Variants in TBC1D16 observed in about 807,000 individuals in gnomAD.
TBC1D16 encodes the protein TBC1 domain family member 16.
Under a neutral mutation model 74.7 loss-of-function variants are expected in TBC1D16, and 58 were observed. The ratio of observed to expected loss-of-function variants is 0.78; its 90% confidence interval spans 0.63 to 0.97. The LOEUF (loss-of-function observed/expected upper bound fraction) is 0.97. TBC1D16 is among the 50% of genes least tolerant of loss of function. The pLI is 0.00. For missense variants in TBC1D16, 1,014 were observed against 1,079.5 expected, an observed-to-expected ratio of 0.94 and a Z score of 0.85; for synonymous variants, 493 against 474.7, an observed-to-expected ratio of 1.04 and a Z score of -0.50.
At position 79,993,392 on chromosome 17, in the gene TBC1D16, G is replaced by A. The variant is rs545926207; in HGVS notation, c.779+16768C>T. 2.6e-5 allele frequency among the ~76,000 whole-genome samples: 4 copies of A among 152,202 alleles called. No homozygotes were observed. Among genetic ancestry groups the A allele is most frequent in the Non-Finnish European group, 4.4e-5 (3 of 68,044 alleles). ...CAGGTCCCCAAAGCAGATTCCCTGAGGCCAGGAGGCACTTAGGTGGACGGG... is the reference window on the plus strand; with the variant it reads ...CAGGTCCCCAAAGCAGATTCCCTGAAGCCAGGAGGCACTTAGGTGGACGGG... On this transcript the variant is annotated intron_variant, in intron 3 of 11. Transcript: ENST00000310924. The surrounding 1 kb of genome is among the most constrained non-coding windows in gnomAD (Gnocchi z 5.1).
intron 3 of TBC1D16, among the ~76,000 whole-genome samples, chr17:79,955,832 A>G (rs550021838): frequency 6.6e-6 from 1 of 152,326 alleles, no homozygotes; most frequent in African/African-American, 2.4e-5. Context: ...TCCCTCCACC[A>G]CAGTAAACTA....
chr17:79,941,052 T>C lies in TBC1D16; in HGVS notation c.2111A>G (p.His704Arg), dbSNP rs1314913632. The C allele has an allele frequency of 1.2e-6, 2 of 1,600,232 alleles. No homozygotes were observed. The highest frequency in any genetic ancestry group is 1.7e-6 in the Non-Finnish European group (2 of 1,173,654). The change falls in exon 12 of 12, where the codon CAC becomes CGC. Residue 704 changes from histidine to arginine, a missense_variant. By Grantham distance (29) the His-to-Arg change is conservative. Transcript: ENST00000310924. The surrounding 1 kb of genome is among the most constrained non-coding windows in gnomAD (Gnocchi z 4.3). ...RLLPRIPCSL[H>R]DLCKLCGSGM... The stretch of plus-strand genomic sequence containing the variant: ...TGACCCGCACAGCTTACACAGATCG[T>C]GCAGGCTGCAGGGGATCCGGGGCAG...
At chr17:80,016,540 T>C (rs2036096813) in intron 1 of TBC1D16, among the ~76,000 whole-genome samples, 1 of 145,204 alleles carries the variant, frequency 6.9e-6, no homozygotes, top group Non-Finnish European at 1.5e-5. Context: ...GATCCAGAGC[T>C]GGTTGAGGGT....
chr17:80,010,027 CCACAGCCGCGGG>C lies in TBC1D16; in HGVS notation c.779+121_779+132del, dbSNP rs1286895222. 25 of 776,640 alleles carry C rather than the reference CCACAGCCGCGGG, an allele frequency of 3.2e-5. No homozygotes were observed. The East Asian group carries it at 6.5e-4, about 20-fold the overall frequency. 48.1% of individuals were successfully genotyped at this position (776,640 alleles called of 1,614,324 possible). The stretch of plus-strand genomic sequence containing the variant: ...GGAGGGGCTCCTGCCACAGCCACGG[CCACAGCCGCGGG>C]CAGGTCGGGCAGATGCCTCCAGCGC... On this transcript the variant is annotated intron_variant, in intron 3 of 11. Transcript: ENST00000310924. The surrounding 1 kb of genome is among the most constrained non-coding windows in gnomAD (Gnocchi z 8.8).
chr17:79,944,204 G>A lies in TBC1D16; in HGVS notation c.1908+704C>T. 6.7e-7 allele frequency: 1 copy of A among 1,481,770 alleles called. No individual in the cohort carries two copies. Among genetic ancestry groups the A allele is most frequent in the South Asian group, 1.2e-5 (1 of 82,836 alleles). The allele number at this position is 1,481,770 out of a possible 1,614,324, so 91.8% of individuals were successfully genotyped here. A position where few individuals can be genotyped will look rare whatever the true frequency, so the allele number is the denominator to read the frequency against. ...CAGGGTTCTCTGACGGAGGCTGCTG[G>A]AGCTGCCGTGGTGGATAGAGCCAGC... On this transcript the variant is annotated intron_variant, in intron 10 of 11. Transcript: ENST00000310924. The surrounding 1 kb of genome is among the most constrained non-coding windows in gnomAD (Gnocchi z 7.7).
At position 79,951,563 on chromosome 17, in the gene TBC1D16, C is replaced by T; in HGVS notation, c.976G>A (p.Ala326Thr). 6.2e-7 allele frequency: 1 copy of T among 1,613,930 alleles called. No individual in the cohort carries two copies. Among genetic ancestry groups the T allele is most frequent in the Non-Finnish European group, 8.5e-7 (1 of 1,179,958 alleles). Residue 326 changes from alanine to threonine, a missense_variant, in exon 5 of 12, where the codon GCC (alanine) becomes ACC (threonine). By Grantham distance (58) the Ala-to-Thr change is moderately conservative. Transcript: ENST00000310924. ...EACTSGQLVVASRESQYKVFH... is the reference protein window; with the variant it reads ...EACTSGQLVVTSRESQYKVFH... Reference sequence around the variant, plus strand: ...ACCTTGTACTGGCTCTCTCGGCTGGCAACGACCAGCTGGCCGCTGGTGCAG... The same window carrying T: ...ACCTTGTACTGGCTCTCTCGGCTGGTAACGACCAGCTGGCCGCTGGTGCAG...
At chr17:80,031,320 C>A (rs1235144981) in intron 1 of TBC1D16, among the ~76,000 whole-genome samples, 1 of 152,212 alleles carries the variant, frequency 6.6e-6, no homozygotes. Context: ...ACACAGAAGC[C>A]ACATTCAGGA....
chr17:79,955,697 C>T (rs144037271), intron 3 of TBC1D16, among the ~76,000 whole-genome samples: 53 of 152,250 alleles, frequency 3.5e-4, no homozygotes, highest in African/African-American at 1.2e-3. Context: ...AACTAGAAGA[C>T]GCTAAACTTT....
chr17:79,963,010 A>C (rs892590587), intron 3 of TBC1D16, among the ~76,000 whole-genome samples: 1 of 150,212 alleles, frequency 6.7e-6, no homozygotes, highest in African/African-American at 2.5e-5. Flanking sequence ...AGATCGCGCC[A>C]TTGCACTCCA....
chr17:79,941,847 C>T lies in TBC1D16; in HGVS notation c.2055+213G>A, dbSNP rs1311310436. Reference sequence around the variant, plus strand: ...GGCACCCCAGGAAAGTGAGGTGACACAGCCAGGCCGAGACAGGTGCTGACC... The same window carrying T: ...GGCACCCCAGGAAAGTGAGGTGACATAGCCAGGCCGAGACAGGTGCTGACC... On this transcript the variant is annotated intron_variant, in intron 11 of 11. Transcript: ENST00000310924. This position sits in a 1 kb window ranked among gnomAD's most constrained non-coding sequence, Gnocchi z 4.3. Among the ~76,000 whole-genome samples the T allele has an allele frequency of 6.6e-6, 1 of 151,526 alleles. No homozygotes were observed. Among genetic ancestry groups the T allele is most frequent in the Non-Finnish European group, 1.5e-5 (1 of 67,992 alleles).
chr17:80,024,406 A>G, intron 1 of TBC1D16, among the ~76,000 whole-genome samples: 1 of 149,474 alleles, frequency 6.7e-6, no homozygotes, highest in Non-Finnish European at 1.5e-5. Context: ...CACACATACC[A>G]CACACACCAT....
Position 79,988,517 on chromosome 17 carries a change from G to C in TBC1D16, c.779+21643C>G, listed in dbSNP as rs964014473. Among the ~76,000 whole-genome samples, 1 of 152,234 alleles carries C rather than the reference G, an allele frequency of 6.6e-6. No homozygotes were observed. Among genetic ancestry groups the C allele is most frequent in the Non-Finnish European group, 1.5e-5 (1 of 68,040 alleles). ...ATAAGACCATGGCTGAAAGTCAAACGCGCCCAGAGTCCACAGTCGACCACC... is the reference window on the plus strand; with the variant it reads ...ATAAGACCATGGCTGAAAGTCAAACCCGCCCAGAGTCCACAGTCGACCACC... On this transcript the variant is annotated intron_variant, in intron 3 of 11. Coordinates refer to ENST00000310924, the MANE Select transcript of TBC1D16 (RefSeq NM_019020.4). The surrounding 1 kb of genome is among the most constrained non-coding windows in gnomAD (Gnocchi z 5.7).
At chr17:79,976,730 C>T (rs1169272637) in intron 3 of TBC1D16, among the ~76,000 whole-genome samples, 1 of 152,170 alleles carries the variant, frequency 6.6e-6, no homozygotes, top group Non-Finnish European at 1.5e-5. Flanking sequence ...GGTTTAAGTC[C>T]CCCGAGGCAG....
In TBC1D16 at chr17:79,979,512, ACGTCCCTGTGTCAT is replaced by A. The variant is rs2034487091; in HGVS notation, c.780-26708_780-26695del. 6.6e-6 allele frequency among the ~76,000 whole-genome samples: 1 copy of A among 152,154 alleles called. No individual in the cohort carries two copies. The highest frequency in any genetic ancestry group is 1.5e-5 in the Non-Finnish European group (1 of 68,028). ...GCTGCAAATGCATCTGGGCGTGAAG[ACGTCCCTGTGTCAT>A]CTCTGCAGGACCAAACAGTCAATTA... On this transcript the variant is annotated intron_variant, in intron 3 of 11. Transcript: ENST00000310924. The surrounding 1 kb of genome is among the most constrained non-coding windows in gnomAD (Gnocchi z 4.8).
rs149817320 is a variant in TBC1D16, at chr17:79,998,984, G to A, written c.779+11176C>T. Among the ~76,000 whole-genome samples the A allele has an allele frequency of 6.4e-3, 969 of 152,266 alleles. 5 individuals carry two copies. Among genetic ancestry groups the A allele is most frequent in the African/African-American group, 0.022 (935 of 41,556 alleles). On this transcript the variant is annotated intron_variant, in intron 3 of 11. Coordinates refer to ENST00000310924, the MANE Select transcript of TBC1D16 (RefSeq NM_019020.4). Reference sequence around the variant, plus strand: ...ATAAAACGTGAATGGGGCTGGGCGCGGTGGCTCACGCCTGTAACCCCAGCA... The same window carrying A: ...ATAAAACGTGAATGGGGCTGGGCGCAGTGGCTCACGCCTGTAACCCCAGCA...
In TBC1D16 at chr17:80,010,529, T is replaced by C. The variant is rs144355397; in HGVS notation, c.410A>G (p.Lys137Arg). ...GGCCACCACCAGGATGTCCTCATCT[T>C]TGGGGGTCAGGGTAGGCCGCAGCTC... The part of the protein sequence containing the change: ...PTELRPTLTP[K>R]DEDILVVAQS... The change falls in exon 3 of 12, where the codon AAA (lysine) becomes AGA (arginine). Residue 137 changes from lysine (K) to arginine (R), a missense_variant. Coordinates refer to ENST00000310924, the MANE Select transcript of TBC1D16 (RefSeq NM_019020.4). The surrounding 1 kb of genome is among the most constrained non-coding windows in gnomAD (Gnocchi z 8.8). The C allele has an allele frequency of 2.8e-5, 45 of 1,610,878 alleles. No homozygotes were observed. The highest frequency in any genetic ancestry group is 3.7e-5 in the Non-Finnish European group (44 of 1,178,936).
intron 1 of TBC1D16, among the ~76,000 whole-genome samples, chr17:80,033,565 G>T (rs143742017): frequency 6.6e-6 from 1 of 152,206 alleles, no homozygotes; most frequent in Non-Finnish European, 1.5e-5. Flanking sequence ...TAGCGATAGG[G>T]TCTCTCTAGG....
rs1297373224 is a variant in TBC1D16, at chr17:79,944,104, C to G, written c.1908+804G>C. 6.5e-7 allele frequency: 1 copy of G among 1,535,992 alleles called. No individual in the cohort carries two copies. Among genetic ancestry groups the G allele is most frequent in the Non-Finnish European group, 8.7e-7 (1 of 1,146,860 alleles). On this transcript the variant is annotated intron_variant, in intron 10 of 11. Transcript: ENST00000310924. The surrounding 1 kb of genome is among the most constrained non-coding windows in gnomAD (Gnocchi z 7.7). ...CAGACTCGCTTTCATCAGACATCAGCCCCCTGCGGTGTGAGTGAGGACAGG... is the reference window on the plus strand; with the variant it reads ...CAGACTCGCTTTCATCAGACATCAGGCCCCTGCGGTGTGAGTGAGGACAGG...
chr17:79,946,979 G>T lies in TBC1D16; in HGVS notation c.1728+666C>A, dbSNP rs112339841. Reference sequence around the variant, plus strand: ...GACTGCACCCGGCAGGCACTTGGTTGACATGGGTGATGTGTGCTGAGAACA... The same window carrying T: ...GACTGCACCCGGCAGGCACTTGGTTTACATGGGTGATGTGTGCTGAGAACA... On this transcript the variant is annotated intron_variant, in intron 9 of 11. Transcript: ENST00000310924. Among the ~76,000 whole-genome samples, 3 of 152,358 alleles carry T rather than the reference G, an allele frequency of 2.0e-5. 1 individual carries two copies. The highest frequency in any genetic ancestry group is 7.2e-5 in the African/African-American group (3 of 41,598).
Sources: gnomAD v4.1 joint callset for allele counts (sites outside exome capture counted in the v4.1 genomes callset) on GRCh38, gnomAD v4.1.1 for gene constraint, Gnocchi (gnomAD v3.1) non-coding constraint, MANE v1.5 for transcripts, NCBI Gene and HGNC (gene_info 2026-07-23, HGNC 2026-07-21) for gene names.